Variants in ZNF254 observed in about 807,000 individuals in gnomAD.
ZNF254 encodes zinc finger protein 254.
ZNF254 carries 10 observed loss-of-function variants against 12.4 expected under a neutral mutation model. The ratio of observed to expected loss-of-function variants is 0.80; its 90% CI spans 0.50 to 1.36. The LOEUF is 1.36. ZNF254 is among the 40% of genes most tolerant of loss of function. The probability of loss-of-function intolerance (pLI) is 0.00; values close to 1 mark genes in which losing one functional copy is unlikely to be tolerated. For synonymous variants in ZNF254, 305 were observed against 253.4 expected (o/e 1.20, Z -1.93); for missense variants, 996 against 763.9 (o/e 1.30, Z -3.58).
At chr19:24,046,854 C>T (rs907530798) in intron 2 of ZNF254, among the ~76,000 whole-genome samples, 8 of 150,438 alleles carry the variant, frequency 5.3e-5, no homozygotes, top group Admixed American at 6.6e-5. Context: ...TTTCATCTTT[C>T]ATCTTTCCTT....
rs558737751 is a variant in ZNF254, at chr19:24,127,503, A to G, written c.1503A>G (p.Gln501=). ...AAGAATGTGGCAAATCTTTTAGCCA[A>G]TCCTCAACCCTTACTACACATAAGA... ...KCEECGKSFS[Q]SSTLTTHKII... The change falls in exon 4 of 4, where the codon CAA becomes CAG. Residue 501 remains glutamine (Q), a synonymous_variant. Coordinates refer to ENST00000357002, the MANE Select transcript of ZNF254 (RefSeq NM_203282.4). 65 of 1,604,878 alleles carry G rather than the reference A, an allele frequency of 4.1e-5. No homozygotes were observed. The highest frequency in any genetic ancestry group is 3.4e-4 in the South Asian group (31 of 90,654).
chr19:24,126,492 T>C lies in ZNF254; in HGVS notation c.492T>C (p.Tyr164=). 2 of 1,586,924 alleles carry C rather than the reference T, an allele frequency of 1.3e-6. No individual in the cohort carries two copies. The highest frequency in any genetic ancestry group is 1.7e-6 in the Non-Finnish European group (2 of 1,171,718). Residue 164 remains tyrosine, a synonymous_variant, in exon 4 of 4, where the codon TAT becomes TAC. Transcript: ENST00000357002. The part of the protein sequence containing the change: ...FQCDKYLKVF[Y]KFLNSNRPKI... ...GTGATAAATATTTGAAAGTCTTCTA[T>C]AAATTTTTAAATTCAAACAGACCTA...
chr19:24,055,232 A>AG (rs1555753130), intron 2 of ZNF254, among the ~76,000 whole-genome samples: 3 of 122,632 alleles, frequency 2.4e-5, no homozygotes, highest in Non-Finnish European at 5.4e-5. Flanking sequence ...AAAAAAAAAA[A>AG]GAGTGTACTA....
intron 3 of ZNF254, among the ~76,000 whole-genome samples, chr19:24,124,789 A>G (rs997507881): frequency 6.7e-6 from 1 of 149,856 alleles, no homozygotes; most frequent in African/African-American, 2.4e-5. Flanking sequence ...TTTTTTTGGA[A>G]ACAAGAGTCT....
chr19:24,118,263 A>G (rs1974243322), intron 3 of ZNF254, among the ~76,000 whole-genome samples: 1 of 152,020 alleles, frequency 6.6e-6, no homozygotes, highest in Admixed American at 6.6e-5. Flanking sequence ...CATGTTGATC[A>G]GGCTGGTCTT....
At chr19:24,110,636 T>C (rs940818850) in intron 3 of ZNF254, among the ~76,000 whole-genome samples, 1 of 152,132 alleles carries the variant, frequency 6.6e-6, no homozygotes, top group Non-Finnish European at 1.5e-5. Flanking sequence ...CTTCTAGAAA[T>C]TTTACATCTT....
chr19:24,123,261 T>C (rs988385378), intron 3 of ZNF254, among the ~76,000 whole-genome samples: 2 of 152,220 alleles, frequency 1.3e-5, no homozygotes, highest in African/African-American at 4.8e-5. Flanking sequence ...TCCATTTTAC[T>C]CATAGAAAGT....
upstream of ZNF254, among the ~76,000 whole-genome samples, chr19:24,082,470 C>T: frequency 1.6e-5 from 1 of 61,766 alleles, no homozygotes; most frequent in Non-Finnish European, 3.2e-5. Flanking sequence ...CACGGTGCAA[C>T]CCCATCTATA....
intron 2 of ZNF254, among the ~76,000 whole-genome samples, chr19:24,052,712 C>T (rs1970694416): frequency 6.6e-6 from 1 of 152,194 alleles, no homozygotes; most frequent in Non-Finnish European, 1.5e-5. Context: ...TATCCCTGCC[C>T]TTAGAGATGA....
At chr19:24,049,202 ATATATATATATATT>A (rs1291371589) in intron 2 of ZNF254, among the ~76,000 whole-genome samples, 16 of 61,314 alleles carry the variant, frequency 2.6e-4, no homozygotes, top group African/African-American at 7.9e-4. Context: ...ATATATATAT[ATATATATATATATT>A]TTTTTTTTTT....
chr19:24,054,087 T>C (rs1258968513), intron 2 of ZNF254, among the ~76,000 whole-genome samples: 1 of 147,466 alleles, frequency 6.8e-6, no homozygotes, highest in Admixed American at 6.7e-5. Flanking sequence ...CCAGGTGATA[T>C]GGCTCTTCTG....
At chr19:24,068,743 T>G (rs1043883463) in intron 2 of ZNF254, among the ~76,000 whole-genome samples, 8 of 152,228 alleles carry the variant, frequency 5.3e-5, no homozygotes, top group African/African-American at 1.9e-4. Flanking sequence ...GATGTCACTC[T>G]TCTGCTCACT....
chr19:24,062,895 G>T (rs1022040883), intron 2 of ZNF254, among the ~76,000 whole-genome samples: 7 of 152,130 alleles, frequency 4.6e-5, no homozygotes, highest in African/African-American at 1.7e-4. Flanking sequence ...CTGCTTCCTG[G>T]GTTCAAGTGA....
intron 1 of ZNF254, among the ~76,000 whole-genome samples, chr19:24,044,164 C>G (rs1341642120): frequency 6.6e-6 from 1 of 151,106 alleles, no homozygotes; most frequent in Admixed American, 6.6e-5. Flanking sequence ...TGCTTGAACC[C>G]GGGAGGCGGA....
chr19:24,123,383 T>C (rs2145980671), intron 3 of ZNF254, among the ~76,000 whole-genome samples: 1 of 152,318 alleles, frequency 6.6e-6, no homozygotes. Flanking sequence ...ATTCTGATGT[T>C]GTCGAGGAGT....
At chr19:24,047,469 A>G (rs913738551) in intron 2 of ZNF254, among the ~76,000 whole-genome samples, 2 of 150,906 alleles carry the variant, frequency 1.3e-5, no homozygotes, top group African/African-American at 4.9e-5. Flanking sequence ...AGGCCTCGCT[A>G]TGTTCCCAGG....
At chr19:24,070,875 G>A (rs949412049) in intron 2 of ZNF254, among the ~76,000 whole-genome samples, 1 of 152,038 alleles carries the variant, frequency 6.6e-6, no homozygotes, top group Admixed American at 6.5e-5. Flanking sequence ...CAGGTAATTT[G>A]TTTGTCTTTT....
chr19:24,053,357 G>A (rs1329279548), intron 2 of ZNF254, among the ~76,000 whole-genome samples: 2 of 152,180 alleles, frequency 1.3e-5, no homozygotes, highest in East Asian at 3.8e-4. Flanking sequence ...GTGTGAAATT[G>A]TTAATCTCAT....
intron 2 of ZNF254, 77 bp downstream of exon 2, chr19:24,106,143 T>G: frequency 3.4e-6 from 5 of 1,468,666 alleles, no homozygotes; most frequent in Non-Finnish European, 4.5e-6. Context: ...TCTGGTAATT[T>G]ACGCATTCAG....
Sources: gnomAD v4.1 joint callset for allele counts (sites outside exome capture counted in the v4.1 genomes callset) on GRCh38, gnomAD v4.1.1 for gene constraint, MANE v1.5 for transcripts, NCBI Gene and HGNC (gene_info 2026-07-23, HGNC 2026-07-21) for gene names.